The following RSRC1 variants were observed in gnomAD, a reference collection of about 807,000 sequenced individuals.
The protein encoded by RSRC1 is arginine and serine rich coiled-coil 1, also known as serine/Arginine-related protein 53.
In RSRC1, 39 loss-of-function variants were observed where a neutral mutation model predicts 49.1. The ratio of observed to expected loss-of-function variants is 0.79; its 90% confidence interval spans 0.61 to 1.04. The LOEUF is 1.04. RSRC1 is among the 50% of genes least tolerant of loss of function. The pLI is 0.00. For synonymous variants in RSRC1, 143 were observed against 130.8 expected (o/e 1.09, Z -0.63); for missense variants, 388 against 402.4 (o/e 0.96, Z 0.31).
intron 5 of RSRC1, among the ~76,000 whole-genome samples, chr3:158,328,187 A>G (rs1197698161): frequency 4.6e-5 from 7 of 152,144 alleles, no homozygotes; most frequent in Non-Finnish European, 7.4e-5. Flanking sequence ...TCTTTATCCA[A>G]TTTGCCAGTC....
At chr3:158,343,962 G>T (rs559206481) in intron 5 of RSRC1, among the ~76,000 whole-genome samples, 1 of 152,250 alleles carries the variant, frequency 6.6e-6, no homozygotes, top group East Asian at 1.9e-4. Flanking sequence ...AAGAAGCTCA[G>T]TGAACCCCAA....
intron 6 of RSRC1, among the ~76,000 whole-genome samples, chr3:158,399,346 C>T (rs1368645174): frequency 1.7e-5 from 1 of 57,436 alleles, no homozygotes; most frequent in Non-Finnish European, 3.6e-5. Context: ...TTAGTAGAGA[C>T]GGGGTTTCAC....
chr3:158,341,472 C>T (rs1730239713), intron 5 of RSRC1, among the ~76,000 whole-genome samples: 1 of 152,172 alleles, frequency 6.6e-6, no homozygotes. Flanking sequence ...GCCCCAAGCC[C>T]TGGAAGCTTC....
intron 3 of RSRC1, among the ~76,000 whole-genome samples, chr3:158,201,782 T>C (rs1056026199): frequency 3.3e-5 from 5 of 152,206 alleles, no homozygotes; most frequent in African/African-American, 1.2e-4. Context: ...AATCCTTATC[T>C]GCTAATTTTA....
At chr3:158,424,057 C>T (rs1031189655) in intron 6 of RSRC1, among the ~76,000 whole-genome samples, 5 of 151,574 alleles carry the variant, frequency 3.3e-5, no homozygotes, top group Non-Finnish European at 5.9e-5. Flanking sequence ...AATTGAATAC[C>T]CTTTATTTCC....
chr3:158,113,810 G>A (rs1015168697), intron 1 of RSRC1, among the ~76,000 whole-genome samples: 1 of 152,162 alleles, frequency 6.6e-6, no homozygotes, highest in Non-Finnish European at 1.5e-5. Flanking sequence ...CTTTTGAGAA[G>A]TGTCTGTTCA....
intron 8 of RSRC1, among the ~76,000 whole-genome samples, chr3:158,540,019 A>G (rs964494763): frequency 1.3e-5 from 2 of 152,164 alleles, no homozygotes; most frequent in Non-Finnish European, 2.9e-5. Flanking sequence ...CTATCATGCC[A>G]TGGCTAAGAT....
intron 4 of RSRC1, among the ~76,000 whole-genome samples, chr3:158,215,118 C>G (rs528232744): frequency 2.1e-4 from 32 of 151,522 alleles, no homozygotes; most frequent in Non-Finnish European, 7.4e-5. Flanking sequence ...TGATTTGGTG[C>G]TTTCATCTTT....
chr3:158,323,979 T>C (rs948361460), intron 5 of RSRC1, among the ~76,000 whole-genome samples: 1 of 152,142 alleles, frequency 6.6e-6, no homozygotes, highest in Non-Finnish European at 1.5e-5. Context: ...AACAGTATGA[T>C]CTAAATTTGT....
chr3:158,199,313 A>C (rs1720883891), intron 3 of RSRC1, among the ~76,000 whole-genome samples: 1 of 152,068 alleles, frequency 6.6e-6, no homozygotes, highest in Non-Finnish European at 1.5e-5. Context: ...CAGCGTGAAA[A>C]TGGACTAATA....
intron 7 of RSRC1, among the ~76,000 whole-genome samples, chr3:158,492,101 C>T (rs570482731): frequency 2.0e-4 from 30 of 152,208 alleles, no homozygotes; most frequent in African/African-American, 6.5e-4. Flanking sequence ...TTTTACATGG[C>T]AGCAAGAGAG....
At chr3:158,445,687 C>T (rs1178498467) in intron 6 of RSRC1, among the ~76,000 whole-genome samples, 1 of 152,048 alleles carries the variant, frequency 6.6e-6, no homozygotes, top group Non-Finnish European at 1.5e-5. Context: ...TATGCCTACA[C>T]AGTTTTTCCA....
chr3:158,520,779 GA>G (rs1172922235), intron 7 of RSRC1, among the ~76,000 whole-genome samples: 2 of 152,240 alleles, frequency 1.3e-5, no homozygotes, highest in East Asian at 3.9e-4. Context: ...ATAGTTTTGT[GA>G]TTATTAAATG....
intron 4 of RSRC1, among the ~76,000 whole-genome samples, chr3:158,294,075 G>A (rs1231786287): frequency 6.6e-6 from 1 of 151,848 alleles, no homozygotes; most frequent in African/African-American, 2.4e-5. Flanking sequence ...TTATATCTGG[G>A]AAATCTCTGT....
At chr3:158,258,520 G>T (rs1724702492) in intron 4 of RSRC1, among the ~76,000 whole-genome samples, 1 of 151,782 alleles carries the variant, frequency 6.6e-6, no homozygotes, top group Non-Finnish European at 1.5e-5. Flanking sequence ...AATGTCTTGA[G>T]GTAGTCTATG....
chr3:158,254,424 T>G (rs1256412108), intron 4 of RSRC1, among the ~76,000 whole-genome samples: 1 of 151,804 alleles, frequency 6.6e-6, no homozygotes, highest in Non-Finnish European at 1.5e-5. Flanking sequence ...CTCTCCAGCA[T>G]CCATTGTTTC....
intron 6 of RSRC1, among the ~76,000 whole-genome samples, chr3:158,445,421 A>G (rs2362971): frequency 0.59 from 89,249 of 151,716 alleles, 26,899 homozygotes; most frequent in South Asian, 0.7. Flanking sequence ...ACCAAACACC[A>G]CATGTTCTCA....
intron 6 of RSRC1, among the ~76,000 whole-genome samples, chr3:158,405,355 C>A (rs988732442): frequency 6.6e-6 from 1 of 152,050 alleles, no homozygotes; most frequent in Admixed American, 6.6e-5. Flanking sequence ...CCTTCTCCCC[C>A]AACATTGGTG....
chr3:158,373,138 AGT>A (rs1456766659), intron 6 of RSRC1, among the ~76,000 whole-genome samples: 1 of 151,780 alleles, frequency 6.6e-6, no homozygotes, highest in East Asian at 1.9e-4. Context: ...TTTTACTTTA[AGT>A]TCTGGGATGG....
Sources: allele counts gnomAD v4.1 joint callset (sites outside exome capture counted in the v4.1 genomes callset), GRCh38; gene constraint gnomAD v4.1.1; transcripts MANE v1.5; gene names NCBI Gene and HGNC (gene_info 2026-07-23, HGNC 2026-07-21).